Variants in PXDNL observed in about 807,000 individuals in gnomAD.
PXDNL encodes the protein peroxidasin like, also known as probable oxidoreductase PXDNL.
Under a neutral mutation model 150.8 loss-of-function variants are expected in PXDNL, and 145 were observed. The ratio of observed to expected loss-of-function variants is 0.96; its 90% CI spans 0.84 to 1.10. The LOEUF is 1.10. Among genes scored for constraint, PXDNL ranks in the 50% least tolerant of loss-of-function variants. PXDNL has a pLI of 0.00. For synonymous variants in PXDNL, 757 were observed against 725.7 expected (o/e 1.04, Z -0.69); for missense variants, 2,087 against 1,873.9 (o/e 1.11, Z -2.10).
intron 1 of PXDNL, among the ~76,000 whole-genome samples, chr8:51,798,795 C>A (rs2037588602): frequency 6.6e-6 from 1 of 152,100 alleles, no homozygotes; most frequent in Non-Finnish European, 1.5e-5. Flanking sequence ...AGACCTAGAA[C>A]CAGAAATACC....
chr8:51,393,370 A>G (rs1315001570), intron 17 of PXDNL, among the ~76,000 whole-genome samples: 4 of 152,234 alleles, frequency 2.6e-5, no homozygotes, highest in African/African-American at 7.2e-5. Flanking sequence ...GATGAGAAGT[A>G]TGAGACTAAG....
intron 19 of PXDNL, among the ~76,000 whole-genome samples, chr8:51,357,531 A>G (rs1806549430): frequency 6.6e-6 from 1 of 152,262 alleles, no homozygotes; most frequent in African/African-American, 2.4e-5. Flanking sequence ...GCATTTGCAC[A>G]TATTTTTTCA....
At chr8:51,421,910 T>A (rs1808965739) in intron 14 of PXDNL, among the ~76,000 whole-genome samples, 1 of 152,122 alleles carries the variant, frequency 6.6e-6, no homozygotes, top group African/African-American at 2.4e-5. Flanking sequence ...GGTTCGAAGA[T>A]CCTATGACAG....
intron 3 of PXDNL, among the ~76,000 whole-genome samples, chr8:51,574,064 C>T (rs1812999968): frequency 6.6e-6 from 1 of 151,702 alleles, no homozygotes; most frequent in Admixed American, 6.6e-5. Context: ...GCAGCCCTAG[C>T]AAAGTAATAC....
chr8:51,709,326 C>A (rs1477278392), intron 1 of PXDNL, among the ~76,000 whole-genome samples: 1 of 151,734 alleles, frequency 6.6e-6, no homozygotes, highest in Non-Finnish European at 1.5e-5. Flanking sequence ...GCAATCTTGG[C>A]TCACTGCAAG....
At chr8:51,491,135 A>G (rs1810883042) in intron 5 of PXDNL, among the ~76,000 whole-genome samples, 2 of 152,156 alleles carry the variant, frequency 1.3e-5, no homozygotes, top group Non-Finnish European at 1.5e-5. Flanking sequence ...CTTGCCCTCA[A>G]ACATCAGACT....
intron 21 of PXDNL, among the ~76,000 whole-genome samples, chr8:51,333,645 G>A (rs1487757496): frequency 6.6e-6 from 1 of 151,968 alleles, no homozygotes; most frequent in African/African-American, 2.4e-5. Flanking sequence ...AAAGTAAAGG[G>A]GTGGAAAAAA....
chr8:51,796,072 C>G (rs1245339629), intron 1 of PXDNL, among the ~76,000 whole-genome samples: 1 of 152,106 alleles, frequency 6.6e-6, no homozygotes, highest in Non-Finnish European at 1.5e-5. Flanking sequence ...CTTACTAAAG[C>G]TATGCAAATT....
intron 4 of PXDNL, among the ~76,000 whole-genome samples, chr8:51,521,565 TA>T (rs1451693854): frequency 6.6e-6 from 1 of 151,974 alleles, no homozygotes; most frequent in East Asian, 1.9e-4. Context: ...AATAAATATT[TA>T]AAGAAATAAA....
At chr8:51,565,341 G>GATAGATAA (rs1812803026) in intron 3 of PXDNL, among the ~76,000 whole-genome samples, 1 of 142,548 alleles carries the variant, frequency 7.0e-6, no homozygotes, top group South Asian at 2.2e-4. Flanking sequence ...TAGATAGATA[G>GATAGATAA]ATAAATAAAT....
At position 51,319,909 on chromosome 8, in the gene PXDNL, A is replaced by G; in HGVS notation, c.4374T>C (p.Asp1458=). The change falls in exon 23 of 23, where the codon GAT becomes GAC. Residue 1458 remains aspartate (D), a synonymous_variant. Transcript: ENST00000356297. ...PVCRDRGMPS[D]SPEKR Reference sequence around the variant, plus strand: ...ACTTTTATTAGCGCTTCTCTGGGGAATCACTTGGCATTCCTCGGTCTCTGC... The same window carrying G: ...ACTTTTATTAGCGCTTCTCTGGGGAGTCACTTGGCATTCCTCGGTCTCTGC... 1 of 1,544,766 alleles carries G rather than the reference A, an allele frequency of 6.5e-7. No homozygotes were observed. The highest frequency in any genetic ancestry group is 1.4e-5 in the African/African-American group (1 of 71,732).
intron 5 of PXDNL, among the ~76,000 whole-genome samples, 151 bp from the exon 6 acceptor site, chr8:51,483,865 C>A (rs1412331739): frequency 2.6e-5 from 4 of 152,140 alleles, no homozygotes; most frequent in Non-Finnish European, 4.4e-5. Flanking sequence ...ATTTATACAA[C>A]CATCTGTTTT....
intron 21 of PXDNL, among the ~76,000 whole-genome samples, chr8:51,329,043 G>A (rs924038167): frequency 6.6e-6 from 1 of 152,204 alleles, no homozygotes; most frequent in Non-Finnish European, 1.5e-5. Context: ...CAGCCCTTCA[G>A]TGAAATCAAT....
At chr8:51,591,899 G>A (rs759579848) in intron 3 of PXDNL, among the ~76,000 whole-genome samples, 28 of 152,180 alleles carry the variant, frequency 1.8e-4, no homozygotes, top group Admixed American at 1.4e-3. Flanking sequence ...GATTACAGGC[G>A]TGAGCCACCG....
At chr8:51,756,393 G>GAAAAA (rs199827186) in intron 1 of PXDNL, among the ~76,000 whole-genome samples, 2 of 88,724 alleles carry the variant, frequency 2.3e-5, no homozygotes. Context: ...CCCCATCACA[G>GAAAAA]AAAAAAAAAA....
chr8:51,571,946 C>T (rs1405344870), intron 3 of PXDNL, among the ~76,000 whole-genome samples: 1 of 151,780 alleles, frequency 6.6e-6, no homozygotes, highest in African/African-American at 2.4e-5. Flanking sequence ...TATAGATTAT[C>T]CCTTATTTAC....
chr8:51,329,594 G>T (rs888658242), intron 21 of PXDNL, among the ~76,000 whole-genome samples: 1 of 152,022 alleles, frequency 6.6e-6, no homozygotes, highest in Non-Finnish European at 1.5e-5. Flanking sequence ...ATCTGGCAGG[G>T]ATAAAAATAA....
intron 1 of PXDNL, among the ~76,000 whole-genome samples, chr8:51,793,042 C>T (rs1453451796): frequency 6.6e-6 from 1 of 152,220 alleles, no homozygotes; most frequent in African/African-American, 2.4e-5. Context: ...AGACCCCCCA[C>T]AACAGGGGTT....
intron 1 of PXDNL, among the ~76,000 whole-genome samples, chr8:51,710,206 G>T (rs1441168563): frequency 6.6e-6 from 1 of 152,182 alleles, no homozygotes. Flanking sequence ...GACAAAATCT[G>T]TCTTGCTCTA....
Sources: gnomAD v4.1 joint callset for allele counts (sites outside exome capture counted in the v4.1 genomes callset) on GRCh38, gnomAD v4.1.1 for gene constraint, MANE v1.5 for transcripts, NCBI Gene and HGNC (gene_info 2026-07-23, HGNC 2026-07-21) for gene names.